The following FBXO11 variants were observed in gnomAD, a reference collection of about 807,000 sequenced individuals.
The protein encoded by FBXO11 is F-box only protein 11.
FBXO11 carries 13 observed loss-of-function variants against 117.0 expected under a neutral mutation model. The observed-to-expected ratio is 0.11, with a 90% CI of 0.07 to 0.18. The LOEUF is 0.18. Among genes scored for constraint, FBXO11 ranks in the 10% least tolerant of loss-of-function variants. The pLI, the probability that FBXO11 is intolerant of heterozygous loss-of-function variation, is 1.00. For synonymous variants in FBXO11, 490 were observed against 380.5 expected (o/e 1.29, Z -3.35); for missense variants, 767 against 1,164.4 (o/e 0.66, Z 4.97).
intron 1 of FBXO11, among the ~76,000 whole-genome samples, chr2:47,848,806 C>T (rs1673617204): frequency 1.3e-5 from 2 of 152,232 alleles, no homozygotes; most frequent in South Asian, 4.1e-4. Flanking sequence ...TCCTAACTGT[C>T]TTGACTCTAT....
chr2:47,854,908 A>T (rs1432354635), intron 1 of FBXO11, among the ~76,000 whole-genome samples: 1 of 148,772 alleles, frequency 6.7e-6, no homozygotes, highest in Admixed American at 6.7e-5. Flanking sequence ...TGTAACATTC[A>T]TCAAACCTTT....
At chr2:47,840,003 G>C (rs1485175206) in intron 1 of FBXO11, among the ~76,000 whole-genome samples, 1 of 151,966 alleles carries the variant, frequency 6.6e-6, no homozygotes, top group African/African-American at 2.4e-5. Flanking sequence ...GAGTGCAGTG[G>C]CGCAATCTCG....
At chr2:47,880,041 G>C (rs1276231553) in intron 1 of FBXO11, among the ~76,000 whole-genome samples, 1 of 151,914 alleles carries the variant, frequency 6.6e-6, no homozygotes. Flanking sequence ...TGTCACCCAG[G>C]TTGGAGTGTA....
Position 47,832,678 on chromosome 2 carries a change from A to C in FBXO11, c.1154T>G (p.Val385Gly). 6.2e-7 allele frequency: 1 copy of C among 1,613,088 alleles called. No homozygotes were observed. Among genetic ancestry groups the C allele is most frequent in the Non-Finnish European group, 8.5e-7 (1 of 1,179,438 alleles). Residue 385 changes from valine (V) to glycine (G), a missense_variant and splice_region_variant, in exon 10 of 23, where the codon GTT (valine) becomes GGT (glycine). Coordinates refer to ENST00000403359, the MANE Select transcript of FBXO11 (RefSeq NM_001190274.2). Reference protein sequence around the residue: ...DHCIIRSTCTVGSAVCVSGQG... With the variant: ...DHCIIRSTCTGGSAVCVSGQG... ...ACCACTAACACATACTGCAGAACCAACTGTAGAAAAATTATTTATTTATGT... is the reference window on the plus strand; with the variant it reads ...ACCACTAACACATACTGCAGAACCACCTGTAGAAAAATTATTTATTTATGT...
chr2:47,890,898 G>C (rs1677213585), intron 1 of FBXO11, among the ~76,000 whole-genome samples: 1 of 152,088 alleles, frequency 6.6e-6, no homozygotes, highest in South Asian at 2.1e-4. Context: ...GCTCACCGCA[G>C]CCTTGACCTC....
intron 1 of FBXO11, among the ~76,000 whole-genome samples, chr2:47,877,929 T>C (rs559789762): frequency 1.2e-4 from 18 of 152,280 alleles, no homozygotes. Flanking sequence ...ATCATCCGCC[T>C]GCCTCGGCCT....
intron 1 of FBXO11, among the ~76,000 whole-genome samples, chr2:47,846,496 T>C (rs1373660144): frequency 6.6e-6 from 1 of 152,154 alleles, no homozygotes; most frequent in African/African-American, 2.4e-5. Context: ...TTTTATGGTT[T>C]TCATTTTTAT....
intron 1 of FBXO11, among the ~76,000 whole-genome samples, chr2:47,841,034 T>C (rs547742671): frequency 2.0e-5 from 3 of 151,738 alleles, no homozygotes; most frequent in East Asian, 3.9e-4. Flanking sequence ...CCATCTCTAC[T>C]AAAACTACAA....
chr2:47,887,589 G>A (rs2103956255), intron 1 of FBXO11, among the ~76,000 whole-genome samples: 1 of 152,086 alleles, frequency 6.6e-6, no homozygotes, highest in East Asian at 1.9e-4. Flanking sequence ...GGCCAGGCAT[G>A]GTGGCTCATG....
At chr2:47,869,096 T>C (rs1675416608) in intron 1 of FBXO11, among the ~76,000 whole-genome samples, 2 of 152,164 alleles carry the variant, frequency 1.3e-5, no homozygotes, top group Admixed American at 1.3e-4. Context: ...TCTGAATCAG[T>C]GTGCTATATA....
intron 1 of FBXO11, among the ~76,000 whole-genome samples, chr2:47,861,907 G>GTTT (rs367983630): frequency 1.4e-5 from 2 of 145,786 alleles, no homozygotes; most frequent in Non-Finnish European, 1.5e-5. Flanking sequence ...GTAAGGTTAA[G>GTTT]TTTTTTTTTT....
rs1346270675 is a variant in FBXO11, at chr2:47,868,791, T to G, written c.233-29022A>C. Among the ~76,000 whole-genome samples the G allele has an allele frequency of 2.0e-5, 3 of 152,154 alleles. No individual in the cohort carries two copies. The East Asian group carries it at 5.8e-4, about 29-fold the overall frequency. On this transcript the variant is annotated intron_variant, in intron 1 of 22. Transcript: ENST00000403359. ...AGAGGCCAATACTTAGCCCCCAATATAGTACCATTTCCTGGGGTGATCAGC... is the reference window on the plus strand; with the variant it reads ...AGAGGCCAATACTTAGCCCCCAATAGAGTACCATTTCCTGGGGTGATCAGC...
Position 47,809,215 on chromosome 2 carries a change from C to T in FBXO11, c.2498G>A (p.Gly833Asp). 1 of 1,607,178 alleles carries T rather than the reference C, an allele frequency of 6.2e-7. No homozygotes were observed. Among genetic ancestry groups the T allele is most frequent in the South Asian group, 1.1e-5 (1 of 90,314 alleles). ...ACTTGATATTTTATATAAACATTGG[C>T]CTCTACTAACAGCCTTTTCTATGGC... Reference protein sequence around the residue: ...QDAIEKAVSRGQCLYKISSYT... With the variant: ...QDAIEKAVSRDQCLYKISSYT... Residue 833 changes from glycine (G) to aspartate (D), a missense_variant, in exon 21 of 23, where the codon GGC (glycine) becomes GAC (aspartate). Physicochemically the swap from Gly to Asp is moderately conservative, Grantham distance 94 (BLOSUM62 -1). Transcript: ENST00000403359.
At chr2:47,809,482 C>G in intron 20 of FBXO11, 118 bp downstream of exon 20, 1 of 780,394 alleles carries the variant, frequency 1.3e-6, no homozygotes, top group Non-Finnish European at 2.0e-6. Flanking sequence ...CTTTCAAAAT[C>G]TATCTTAAAC....
chr2:47,900,969 G>T (rs1295429297), intron 1 of FBXO11, among the ~76,000 whole-genome samples: 1 of 142,798 alleles, frequency 7.0e-6, no homozygotes, highest in Non-Finnish European at 1.5e-5. Flanking sequence ...AAATCATTCA[G>T]TACGTATAAT....
intron 1 of FBXO11, among the ~76,000 whole-genome samples, chr2:47,866,174 A>C (rs1675179797): frequency 7.0e-6 from 1 of 143,710 alleles, no homozygotes; most frequent in South Asian, 2.4e-4. Flanking sequence ...TGAGCCCAGG[A>C]GTTTGAGGCT....
At chr2:47,830,974 T>C (rs1672138032) in intron 11 of FBXO11, among the ~76,000 whole-genome samples, 1 of 152,104 alleles carries the variant, frequency 6.6e-6, no homozygotes, top group African/African-American at 2.4e-5. Flanking sequence ...AATTTTTGTA[T>C]TTTTTGTAGA....
chr2:47,823,099 T>C (rs778941152), intron 12 of FBXO11, 44 bp downstream of exon 12: 5 of 1,432,420 alleles, frequency 3.5e-6, no homozygotes, highest in South Asian at 2.6e-5. Flanking sequence ...TAAGCAAACC[T>C]TGAAGTGAAA....
intron 1 of FBXO11, among the ~76,000 whole-genome samples, chr2:47,898,987 T>A (rs946346830): frequency 1.3e-5 from 2 of 151,850 alleles, no homozygotes; most frequent in Non-Finnish European, 2.9e-5. Flanking sequence ...AGAATTGGTA[T>A]AAGGGGGCCA....
Sources: allele counts gnomAD v4.1 joint callset (sites outside exome capture counted in the v4.1 genomes callset), GRCh38; gene constraint gnomAD v4.1.1; transcripts MANE v1.5; gene names NCBI Gene and HGNC (gene_info 2026-07-23, HGNC 2026-07-21).